FGF12: variants seen among roughly 807,000 people sequenced by gnomAD.
The protein encoded by FGF12 is fibroblast growth factor 12B.
In FGF12, 14 loss-of-function variants were observed where a neutral mutation model predicts 23.6. The observed-to-expected ratio is 0.59, with a 90% CI of 0.39 to 0.93. The LOEUF is 0.93. FGF12 is among the 40% of genes least tolerant of loss of function. The probability of loss-of-function intolerance (pLI) is 0.00; values close to 1 mark genes in which losing one functional copy is unlikely to be tolerated. For missense variants in FGF12, 175 were observed against 217.8 expected, an observed-to-expected ratio of 0.80 and a Z score of 1.24; for synonymous variants, 62 against 77.3, an observed-to-expected ratio of 0.80 and a Z score of 1.04.
chr3:192,682,837 C>T (rs1012240443), intron 2 of FGF12, among the ~76,000 whole-genome samples: 11 of 152,118 alleles, frequency 7.2e-5, no homozygotes, highest in Non-Finnish European at 4.4e-5. Context: ...AGGTTGACTT[C>T]GTTCATGTGG....
At chr3:192,376,011 G>T (rs965637143) in intron 2 of FGF12, among the ~76,000 whole-genome samples, 1 of 152,048 alleles carries the variant, frequency 6.6e-6, no homozygotes, top group South Asian at 2.1e-4. Flanking sequence ...ATTGTTTTAA[G>T]AATCCACATG....
At chr3:192,700,589 A>C (rs1002901332) in intron 2 of FGF12, among the ~76,000 whole-genome samples, 2 of 152,220 alleles carry the variant, frequency 1.3e-5, no homozygotes, top group Non-Finnish European at 2.9e-5. Context: ...ATTTGAGGCC[A>C]CAAAAGAGTC....
intron 2 of FGF12, among the ~76,000 whole-genome samples, chr3:192,459,431 T>TTC (rs561675053): frequency 5.8e-4 from 89 of 152,356 alleles, no homozygotes; most frequent in Non-Finnish European, 1.1e-3. Context: ...TTAAATTGTT[T>TTC]AACTCGCATT....
chr3:192,268,618 C>T (rs570001286), intron 4 of FGF12: 1 of 411,638 alleles, frequency 2.4e-6, no homozygotes, highest in South Asian at 1.8e-5. Flanking sequence ...GGCTTCTCCC[C>T]TGCATTGCTC....
chr3:192,231,223 T>C (rs1204647253), intron 4 of FGF12, among the ~76,000 whole-genome samples: 1 of 152,206 alleles, frequency 6.6e-6, no homozygotes, highest in Non-Finnish European at 1.5e-5. Context: ...TCAGTCATGC[T>C]GAACAAACCT....
intron 2 of FGF12, among the ~76,000 whole-genome samples, chr3:192,693,250 C>T (rs1395190503): frequency 6.6e-6 from 1 of 151,674 alleles, no homozygotes; most frequent in Non-Finnish European, 1.5e-5. Context: ...GATCTGTATA[C>T]TGAAAACCAT....
intron 4 of FGF12, among the ~76,000 whole-genome samples, chr3:192,188,909 T>G (rs1393326782): frequency 6.6e-6 from 1 of 152,222 alleles, no homozygotes; most frequent in Non-Finnish European, 1.5e-5. Context: ...ACATTTCACA[T>G]AGAAATGTAA....
chr3:192,464,516 GT>G (rs1722954201), intron 2 of FGF12, among the ~76,000 whole-genome samples: 1 of 149,174 alleles, frequency 6.7e-6, no homozygotes, highest in South Asian at 2.1e-4. Context: ...GTGTGTGTGT[GT>G]GTGTGTGTGT....
intron 2 of FGF12, among the ~76,000 whole-genome samples, chr3:192,721,310 G>T (rs563186017): frequency 4.9e-4 from 75 of 152,214 alleles, no homozygotes; most frequent in African/African-American, 1.8e-3. Context: ...TGATATTATG[G>T]TACAGCACTT....
chr3:192,306,294 G>A (rs942793176), intron 4 of FGF12, among the ~76,000 whole-genome samples: 3 of 152,082 alleles, frequency 2.0e-5, no homozygotes, highest in Admixed American at 6.5e-5. Context: ...CATTATGGAC[G>A]CTCTAAGCCA....
At chr3:192,170,780 CAT>C in intron 4 of FGF12, 124 bp from the exon 5 acceptor site, 2 of 799,444 alleles carry the variant, frequency 2.5e-6, no homozygotes, top group African/African-American at 1.7e-5. Context: ...GGCAATGACA[CAT>C]AGTTTCTATT....
Position 192,144,072 on chromosome 3 carries a change from T to C in FGF12, c.483A>G (p.Ser161=), listed in dbSNP as rs962617533. The C allele has an allele frequency of 6.2e-7, 1 of 1,613,748 alleles. No homozygotes were observed. The highest frequency in any genetic ancestry group is 1.7e-5 in the Admixed American group (1 of 59,996). ...LHEIGEKQGR[S]RKSSGTPTMN... ...TGGTTGGTGTTCCAGAACTTTTCCT[T>C]GAACGCCCTTGTTTTTCTCCAATTT... The change falls in exon 6 of 6, where the codon TCA becomes TCG. Residue 161 remains serine, a synonymous_variant. Transcript: ENST00000445105.
chr3:192,212,258 T>C (rs1414611461), intron 4 of FGF12, among the ~76,000 whole-genome samples: 1 of 152,142 alleles, frequency 6.6e-6, no homozygotes, highest in Non-Finnish European at 1.5e-5. Context: ...GGTTATATAG[T>C]GAAGATTTAA....
At chr3:192,696,804 G>C (rs1259715822) in intron 2 of FGF12, among the ~76,000 whole-genome samples, 1 of 151,884 alleles carries the variant, frequency 6.6e-6, no homozygotes, top group Non-Finnish European at 1.5e-5. Flanking sequence ...ACAAGATTCG[G>C]GTGATACAGA....
chr3:192,671,070 G>A (rs907195281), intron 2 of FGF12, among the ~76,000 whole-genome samples: 10 of 152,138 alleles, frequency 6.6e-5, no homozygotes, highest in South Asian at 4.1e-4. Flanking sequence ...CTGGAATATC[G>A]TAAGTACGAA....
At chr3:192,588,615 C>T (rs886372621) in intron 2 of FGF12, among the ~76,000 whole-genome samples, 3 of 151,752 alleles carry the variant, frequency 2.0e-5, no homozygotes, top group African/African-American at 7.2e-5. Context: ...TTACATATAT[C>T]AACTCTTTTA....
chr3:192,465,745 C>T (rs79242536), intron 2 of FGF12, among the ~76,000 whole-genome samples: 9,589 of 152,208 alleles, frequency 0.063, 1,074 homozygotes, highest in African/African-American at 0.22. Context: ...TCCTTGCATG[C>T]TCTGTCTCTA....
At chr3:192,365,721 G>A (rs1718951578) in intron 2 of FGF12, among the ~76,000 whole-genome samples, 1 of 152,062 alleles carries the variant, frequency 6.6e-6, no homozygotes, top group Admixed American at 6.6e-5. Context: ...GGATGACATG[G>A]CAATTTCAGC....
intron 2 of FGF12, among the ~76,000 whole-genome samples, chr3:192,645,963 T>C (rs1439557636): frequency 6.6e-6 from 1 of 151,826 alleles, no homozygotes; most frequent in Non-Finnish European, 1.5e-5. Flanking sequence ...GAGTAGGAGA[T>C]GGTCAGAGCC....
Sources: allele counts gnomAD v4.1 joint callset (sites outside exome capture counted in the v4.1 genomes callset), GRCh38; gene constraint gnomAD v4.1.1; transcripts MANE v1.5; gene names NCBI Gene and HGNC (gene_info 2026-07-23, HGNC 2026-07-21).